Variants in TSPAN11 observed in about 807,000 individuals in gnomAD.
TSPAN11 encodes tetraspanin 11, also known as tetraspanin-11.
TSPAN11 carries 29 observed loss-of-function variants against 32.9 expected under a neutral mutation model. The ratio of observed to expected loss-of-function variants is 0.88; its 90% confidence interval spans 0.66 to 1.20. TSPAN11 has a LOEUF of 1.20. Among genes scored for constraint, TSPAN11 ranks in the 50% most tolerant of loss-of-function variants. TSPAN11 has a pLI of 0.00. For missense variants in TSPAN11, 283 were observed against 329.1 expected (o/e 0.86, Z 1.08); for synonymous variants, 140 against 141.3 (o/e 0.99, Z 0.07).
chr12:30,979,677 C>T lies in TSPAN11; in HGVS notation c.456+7C>T. ...GGACCGACTCCAGCAGGATGTAAGC[C>T]ATGCCCCATATGGCCTTGAAGGCCA... On this transcript the variant is annotated splice_region_variant and intron_variant, in intron 5 of 7. Transcript: ENST00000546076. 1 of 1,614,068 alleles carries T rather than the reference C, an allele frequency of 6.2e-7. No homozygotes were observed. Among genetic ancestry groups the T allele is most frequent in the East Asian group, 2.2e-5 (1 of 44,882 alleles).
At chr12:30,926,867 C>T (rs1274699744) in intron 1 of TSPAN11, 71 bp downstream of exon 1, 11 of 1,166,038 alleles carry the variant, frequency 9.4e-6, no homozygotes, top group Non-Finnish European at 1.2e-5. Context: ...AGAGGCGCCT[C>T]CACCTCCGCT....
intron 3 of TSPAN11, chr12:30,978,350 T>G: frequency 1.7e-6 from 1 of 602,158 alleles, no homozygotes; most frequent in Non-Finnish European, 3.0e-6. Context: ...GATGGGTACA[T>G]GCCGTACTGA....
At chr12:30,926,949 G>A (rs1435028124) in intron 1 of TSPAN11, 153 bp downstream of exon 1, 1 of 1,281,078 alleles carries the variant, frequency 7.8e-7, no homozygotes, top group Non-Finnish European at 1.0e-6. Flanking sequence ...AAGCCGGCTG[G>A]GGATGAGGAG....
At chr12:31,000,818 C>G (rs1939470993), downstream of TSPAN11, among the ~76,000 whole-genome samples, 1 of 152,228 alleles carries the variant, frequency 6.6e-6, no homozygotes, top group Admixed American at 6.5e-5. Flanking sequence ...CACAGGAGCA[C>G]TGAGCCCAGA....
intron 7 of TSPAN11, among the ~76,000 whole-genome samples, chr12:30,987,811 C>T (rs917485178): frequency 1.3e-5 from 2 of 152,156 alleles, no homozygotes; most frequent in Non-Finnish European, 2.9e-5. Context: ...GCAGCACCCT[C>T]GTGGTCTTGA....
chr12:30,947,071 A>T (rs1024362617), intron 1 of TSPAN11, among the ~76,000 whole-genome samples: 4 of 152,252 alleles, frequency 2.6e-5, no homozygotes, highest in Admixed American at 1.3e-4. Flanking sequence ...TCAGGGGATT[A>T]TCCAAAGCCC....
At chr12:31,008,324 C>T in the TSPAN11 span, among the ~76,000 whole-genome samples, 2 of 152,216 alleles carry the variant, frequency 1.3e-5, no homozygotes, top group Admixed American at 6.5e-5. Flanking sequence ...CCCAGAGAAA[C>T]ATGTCCACAG....
Position 30,926,808 on chromosome 12 carries a change from A to C in TSPAN11, c.-12+12A>C. On this transcript the variant is annotated intron_variant, in intron 1 of 7. Coordinates refer to ENST00000546076, the MANE Select transcript of TSPAN11 (RefSeq NM_001370302.1). ...GAGCCCCTGGCAGGGTAAGTGCAGA[A>C]GCGCGCCCGAGGAGTGGGGGCGCCG... The C allele has an allele frequency of 1.9e-6, 1 of 521,972 alleles. No homozygotes were observed. Among genetic ancestry groups the C allele is most frequent in the Non-Finnish European group, 2.9e-6 (1 of 346,342 alleles). The allele number at this position is 521,972 out of a possible 1,614,324, so 32.3% of individuals were successfully genotyped here.
rs1391288681 is a variant in TSPAN11, at chr12:30,983,122, C to A, written c.674C>A (p.Ala225Glu). Residue 225 changes from alanine to glutamate, a missense_variant, in exon 7 of 8, where the codon GCA becomes GAA. Transcript: ENST00000546076. Reference sequence around the variant, plus strand: ...GCCGACCACCTGCTGCTTATGGGGGCAGTGGGCATCGGGGTGGCCTGCCTG... The same window carrying A: ...GCCGACCACCTGCTGCTTATGGGGGAAGTGGGCATCGGGGTGGCCTGCCTG... ...FLADHLLLMG[A>E]VGIGVACLQI... 5 of 1,613,158 alleles carry A rather than the reference C, an allele frequency of 3.1e-6. No individual in the cohort carries two copies. The Admixed American group carries it at 6.7e-5, about 22-fold the overall frequency.
rs78850568 is a variant in TSPAN11, at chr12:30,961,849, G to A, written c.85-1977G>A. On this transcript the variant is annotated intron_variant, in intron 2 of 7. Coordinates refer to ENST00000546076, the MANE Select transcript of TSPAN11 (RefSeq NM_001370302.1). ...CAAGCCTTCCAGGCATGCTGAAGGG[G>A]GCAAAAAGAATTCCGTGCAGGATAT... Among the ~76,000 whole-genome samples, 212 of 152,070 alleles carry A rather than the reference G, an allele frequency of 1.4e-3. 2 individuals carry two copies. The East Asian group carries it at 0.037, about 27-fold the overall frequency.
chr12:30,927,473 G>GCCCA (rs1172830901), intron 1 of TSPAN11, among the ~76,000 whole-genome samples: 1 of 152,184 alleles, frequency 6.6e-6, no homozygotes, highest in Non-Finnish European at 1.5e-5. Flanking sequence ...AAGGGAGGCA[G>GCCCA]CCCAGTTGGG....
chr12:30,977,796 G>A (rs1351281823), intron 3 of TSPAN11, among the ~76,000 whole-genome samples: 1 of 152,182 alleles, frequency 6.6e-6, no homozygotes, highest in Non-Finnish European at 1.5e-5. Context: ...TGAATGCACG[G>A]CTGGGAAGCC....
At chr12:30,979,933 C>T (rs1312868038) in intron 5 of TSPAN11, among the ~76,000 whole-genome samples, 3 of 152,208 alleles carry the variant, frequency 2.0e-5, no homozygotes, top group African/African-American at 7.2e-5. Context: ...ACCCCTGCTG[C>T]CTTCCCGTTC....
At chr12:30,980,485 G>A (rs4931398) in intron 5 of TSPAN11, among the ~76,000 whole-genome samples, 89,231 of 151,900 alleles carry the variant, frequency 0.59, 27,391 homozygotes, top group South Asian at 0.71. Flanking sequence ...GGATGTGTCC[G>A]TGTCAGAAAA....
intron 1 of TSPAN11, among the ~76,000 whole-genome samples, chr12:30,936,832 G>A (rs1188758113): frequency 6.6e-6 from 1 of 152,134 alleles, no homozygotes; most frequent in African/African-American, 2.4e-5. Context: ...ATGGAGTTGG[G>A]CATAAATGGG....
rs530605958 is a variant in TSPAN11, at chr12:30,991,861, C to T, written c.708C>T (p.Cys236=). 85 of 1,614,160 alleles carry T rather than the reference C, an allele frequency of 5.3e-5. 1 individual carries two copies. Among genetic ancestry groups the T allele is most frequent in the South Asian group, 4.1e-4 (37 of 91,082 alleles). ...VGIGVACLQI[C]GMVLTCCLHQ... ...CTGCTCTCTCCACCTGGCAGATCTG[C>T]GGGATGGTTCTCACCTGCTGCTTGC... Residue 236 remains cysteine (C), a synonymous_variant, in exon 8 of 8, where the codon TGC becomes TGT. Coordinates refer to ENST00000546076, the MANE Select transcript of TSPAN11 (RefSeq NM_001370302.1).
intron 2 of TSPAN11, among the ~76,000 whole-genome samples, chr12:30,955,510 A>T (rs770804879): frequency 3.4e-4 from 52 of 152,344 alleles, no homozygotes; most frequent in Non-Finnish European, 6.8e-4. Flanking sequence ...AAAGTATCGT[A>T]AAATAAAAAT....
chr12:30,953,747 A>G (rs1157349121), intron 1 of TSPAN11, among the ~76,000 whole-genome samples: 1 of 152,240 alleles, frequency 6.6e-6, no homozygotes, highest in Non-Finnish European at 1.5e-5. Flanking sequence ...ACCTTTGTCA[A>G]GAGGACAAAA....
At chr12:30,970,661 C>G (rs1023974469) in intron 3 of TSPAN11, among the ~76,000 whole-genome samples, 6 of 152,194 alleles carry the variant, frequency 3.9e-5, no homozygotes, top group African/African-American at 1.4e-4. Flanking sequence ...TTCTTGAGCC[C>G]TCACTGTAAA....
Sources: gnomAD v4.1 joint callset for allele counts (sites outside exome capture counted in the v4.1 genomes callset) on GRCh38, gnomAD v4.1.1 for gene constraint, MANE v1.5 for transcripts, NCBI Gene and HGNC (gene_info 2026-07-23, HGNC 2026-07-21) for gene names.